The following GLI2 variants were observed in gnomAD, a reference collection of about 807,000 sequenced individuals.
The protein encoded by GLI2 is transcription activator GLI2.
GLI2 carries 22 observed loss-of-function variants against 78.9 expected under a neutral mutation model. The observed-to-expected ratio is 0.28, with a 90% CI of 0.20 to 0.40. The LOEUF is 0.40. Ranked by LOEUF, GLI2 falls within the 10% of genes least tolerant of loss-of-function variation. GLI2 has a pLI of 1.00. For missense variants in GLI2, 2,097 were observed against 2,213.2 expected (o/e 0.95, Z 1.05); for synonymous variants, 974 against 963.7 (o/e 1.01, Z -0.20).
At chr2:120,846,875 T>C (rs1489668574) in intron 2 of GLI2, among the ~76,000 whole-genome samples, 1 of 152,234 alleles carries the variant, frequency 6.6e-6, no homozygotes, top group Non-Finnish European at 1.5e-5. Context: ...AGTGACCGTG[T>C]CTTCAGCCCA....
chr2:120,750,586 T>C (rs1421201229), intron 1 of GLI2, among the ~76,000 whole-genome samples: 1 of 152,212 alleles, frequency 6.6e-6, no homozygotes, highest in African/African-American at 2.4e-5. Context: ...ATCTTGGTTG[T>C]TATTATTAAA....
intron 2 of GLI2, chr2:120,866,452 T>A (rs1221706169): frequency 2.0e-5 from 3 of 152,280 alleles, no homozygotes; most frequent in African/African-American, 7.2e-5. Flanking sequence ...AGATCTCCCT[T>A]TTGGGGACAG....
At position 120,989,127 on chromosome 2, in the gene GLI2, G is replaced by A. The variant is rs1183487756; in HGVS notation, c.3162G>A (p.Lys1054=). 1 of 1,612,860 alleles carries A rather than the reference G, an allele frequency of 6.2e-7. No homozygotes were observed. The highest frequency in any genetic ancestry group is 8.5e-7 in the Non-Finnish European group (1 of 1,179,974). ...CAGACGACGTGGTGCAGTACATCAA[G>A]GCGCACGCCAGTGGCGCTCTGGACG... ...VLPDDVVQYI[K]AHASGALDEG... The change falls in exon 14 of 14, where the codon AAG becomes AAA. Residue 1054 remains lysine (K), a synonymous_variant. Transcript: ENST00000361492.
At chr2:120,884,620 C>G (rs1335915183) in intron 2 of GLI2, among the ~76,000 whole-genome samples, 1 of 152,164 alleles carries the variant, frequency 6.6e-6, no homozygotes, top group Non-Finnish European at 1.5e-5. Flanking sequence ...TGTCACTTCC[C>G]CCACGCTGGA....
rs1178455267 is a variant in GLI2 at position 120,736,006 on chromosome 2, C to T, written c.-310C>T. Among the ~76,000 whole-genome samples the T allele has an allele frequency of 2.0e-5, 3 of 151,882 alleles. No individual in the cohort carries two copies. Among genetic ancestry groups the T allele is most frequent in the African/African-American group, 7.2e-5 (3 of 41,390 alleles). ...CTGCGACTGCGAACGCGGAGGAAGG[C>T]CAGGAGCCGCAGGAGGAGCCGGAGG... On this transcript the variant is annotated 5_prime_UTR_variant, in exon 1 of 14. Coordinates refer to ENST00000361492, the MANE Select transcript of GLI2 (RefSeq NM_001374353.1).
At chr2:120,845,173 T>C (rs1229960543) in intron 2 of GLI2, among the ~76,000 whole-genome samples, 1 of 152,078 alleles carries the variant, frequency 6.6e-6, no homozygotes, top group Non-Finnish European at 1.5e-5. Context: ...TTCGGGAGGC[T>C]GAGGCATGAG....
chr2:120,988,933 C>G lies in GLI2; in HGVS notation c.2968C>G (p.Leu990Val), dbSNP rs1573740131. ...GCCGCCCTGTGCCGACAGGCGAGGC[C>G]TCCGCCTGCAGAGCCACCCGAGCAC... Reference protein sequence around the residue: ...PLPPCADRRGLRLQSHPSTDG... With the variant: ...PLPPCADRRGVRLQSHPSTDG... The change falls in exon 14 of 14, where the codon CTC becomes GTC. Residue 990 changes from leucine to valine, a missense_variant. Leu to Val is a conservative substitution (Grantham distance 32). This residue lies in a region of GLI2 where 1,290 missense variants were observed against 1,261.7 expected (regional missense o/e 1.02). Transcript: ENST00000361492. The G allele has an allele frequency of 3.3e-6, 5 of 1,528,202 alleles. No homozygotes were observed. The East Asian group carries it at 1.3e-4, about 38-fold the overall frequency. 94.7% of individuals were successfully genotyped at this position (1,528,202 alleles called of 1,614,324 possible).
chr2:120,898,168 A>C (rs138976170), intron 2 of GLI2, among the ~76,000 whole-genome samples: 1 of 141,240 alleles, frequency 7.1e-6, no homozygotes, highest in Non-Finnish European at 1.5e-5. Context: ...AGGCACTGAT[A>C]TAGATTAAAA....
At chr2:120,806,278 C>T (rs1484232699) in intron 2 of GLI2, among the ~76,000 whole-genome samples, 1 of 152,138 alleles carries the variant, frequency 6.6e-6, no homozygotes. Context: ...GGCACCCGGG[C>T]CTGGGTGCCT....
chr2:120,929,572 C>T (rs979312951), intron 3 of GLI2, among the ~76,000 whole-genome samples: 1 of 152,226 alleles, frequency 6.6e-6, no homozygotes. Context: ...CACATGGATG[C>T]ATGGTTTTTT....
intron 2 of GLI2, among the ~76,000 whole-genome samples, chr2:120,889,685 C>T (rs1334904827): frequency 6.6e-6 from 1 of 152,084 alleles, no homozygotes; most frequent in African/African-American, 2.4e-5. Context: ...AGAGACCTTT[C>T]ACAAAAGAGG....
chr2:120,828,131 G>A (rs186287279), intron 2 of GLI2, among the ~76,000 whole-genome samples: 31 of 152,366 alleles, frequency 2.0e-4, no homozygotes, highest in East Asian at 1.9e-3. Flanking sequence ...TAAAGCTTCC[G>A]TGAACCTTGG....
chr2:120,896,667 C>CACACA (rs1558865604), intron 2 of GLI2, among the ~76,000 whole-genome samples: 8 of 19,774 alleles, frequency 4.0e-4, no homozygotes, highest in African/African-American at 1.2e-3. Flanking sequence ...ACACATACAC[C>CACACA]CACCCCCCCA....
intron 2 of GLI2, among the ~76,000 whole-genome samples, chr2:120,853,838 G>A (rs970710895): frequency 1.3e-5 from 2 of 152,124 alleles, no homozygotes; most frequent in African/African-American, 4.8e-5. Context: ...CATGGTTACA[G>A]GTGCAGCTGG....
chr2:120,985,386 G>A (rs950739956), intron 12 of GLI2, among the ~76,000 whole-genome samples: 10 of 152,204 alleles, frequency 6.6e-5, no homozygotes, highest in East Asian at 3.9e-4. Flanking sequence ...CTTGGCAGCC[G>A]GAGTGGAACT....
chr2:120,978,846 G>A (rs1303611055), intron 10 of GLI2, among the ~76,000 whole-genome samples: 1 of 152,232 alleles, frequency 6.6e-6, no homozygotes, highest in Non-Finnish European at 1.5e-5. Flanking sequence ...GGGTGTGTCT[G>A]TGATTGTGAG....
At chr2:120,883,496 A>G (rs1677251261) in intron 2 of GLI2, among the ~76,000 whole-genome samples, 1 of 152,126 alleles carries the variant, frequency 6.6e-6, no homozygotes, top group African/African-American at 2.4e-5. Context: ...CAAAACAAAC[A>G]AATAAACAAA....
At chr2:120,741,707 C>A (rs935710922) in intron 1 of GLI2, among the ~76,000 whole-genome samples, 1 of 152,050 alleles carries the variant, frequency 6.6e-6, no homozygotes, top group African/African-American at 2.4e-5. Flanking sequence ...CGTGTCCGAG[C>A]GGCGCCGACC....
At chr2:120,918,124 G>A (rs935271056) in intron 2 of GLI2, among the ~76,000 whole-genome samples, 2 of 152,244 alleles carry the variant, frequency 1.3e-5, no homozygotes, top group Non-Finnish European at 2.9e-5. Flanking sequence ...CAGCTCCGCC[G>A]TGGATTCCAG....
Sources: gnomAD v4.1 joint callset for allele counts (sites outside exome capture counted in the v4.1 genomes callset) on GRCh38, gnomAD v4.1.1 for gene constraint, gnomAD v4.1.1 regional missense constraint, MANE v1.5 for transcripts, NCBI Gene and HGNC (gene_info 2026-07-23, HGNC 2026-07-21) for gene names.